Variants in THNSL1 observed in about 807,000 individuals in gnomAD.
The protein encoded by THNSL1 is threonine synthase like 1.
In THNSL1, 48 loss-of-function variants were observed where a neutral mutation model predicts 50.4. The ratio of observed to expected loss-of-function variants is 0.95; its 90% confidence interval spans 0.76 to 1.21. THNSL1 has a LOEUF of 1.21. THNSL1 is among the 50% of genes most tolerant of loss of function. The pLI is 0.00. For missense variants in THNSL1, 896 were observed against 871.7 expected, an observed-to-expected ratio of 1.03 and a Z score of -0.35; for synonymous variants, 309 against 306.1, an observed-to-expected ratio of 1.01 and a Z score of -0.10.
intron 2 of THNSL1, among the ~76,000 whole-genome samples, chr10:25,022,630 G>A (rs1330774504): frequency 6.6e-6 from 1 of 152,112 alleles, no homozygotes; most frequent in Admixed American, 6.5e-5. Context: ...TTTTATTCTG[G>A]TTTCCTGTTA....
At chr10:24,997,375 T>C in the THNSL1 span, among the ~76,000 whole-genome samples, 1 of 148,482 alleles carries the variant, frequency 6.7e-6, no homozygotes, top group African/African-American at 2.5e-5. Flanking sequence ...AACCCTGCAT[T>C]CCTTTTTTTT....
the THNSL1 span, among the ~76,000 whole-genome samples, chr10:25,001,372 C>T: frequency 6.7e-6 from 1 of 148,724 alleles, no homozygotes; most frequent in Non-Finnish European, 1.5e-5. Context: ...TCTTGGTATT[C>T]TTTTTTCTAC....
intron 1 of THNSL1, among the ~76,000 whole-genome samples, chr10:25,021,111 T>TA (rs969849335): frequency 2.0e-5 from 3 of 151,980 alleles, no homozygotes; most frequent in African/African-American, 7.2e-5. Flanking sequence ...AACCAAACCA[T>TA]AAAAAAAATG....
chr10:24,989,687 G>A, the THNSL1 span, among the ~76,000 whole-genome samples: 1 of 152,204 alleles, frequency 6.6e-6, no homozygotes, highest in African/African-American at 2.4e-5. Context: ...ATGTTCAGAA[G>A]TTGTAACAGC....
the THNSL1 span, among the ~76,000 whole-genome samples, chr10:24,989,502 T>C: frequency 1.3e-5 from 2 of 152,218 alleles, no homozygotes; most frequent in Admixed American, 1.3e-4. Context: ...ACTTAAGAGC[T>C]GCACACATAC....
the THNSL1 span, among the ~76,000 whole-genome samples, chr10:24,988,294 ATGTATATATATTTATATG>A: frequency 6.3e-5 from 9 of 142,638 alleles, no homozygotes; most frequent in African/African-American, 1.8e-4. Context: ...ATATTTATAT[ATGTATATATATTTATATG>A]TGTGTATATA....
At chr10:24,984,975 T>C in the THNSL1 span, 2 of 1,191,256 alleles carry the variant, frequency 1.7e-6, no homozygotes, top group African/African-American at 1.5e-5. Context: ...GAAAAGCTAA[T>C]TGGTAATGAA....
the THNSL1 span, among the ~76,000 whole-genome samples, chr10:24,996,456 G>GTATATATATATATA: frequency 2.0e-5 from 3 of 149,712 alleles, no homozygotes; most frequent in African/African-American, 7.4e-5. Context: ...GTGTGTGTGT[G>GTATATATATATATA]TATATATATA....
chr10:25,014,288 G>A (rs181231980), upstream of THNSL1, among the ~76,000 whole-genome samples: 25 of 152,318 alleles, frequency 1.6e-4, no homozygotes, highest in Admixed American at 1.6e-3. Flanking sequence ...TCTTGCCAGT[G>A]TAAATTGACT....
the THNSL1 span, among the ~76,000 whole-genome samples, chr10:24,998,873 G>T: frequency 0.014 from 2,073 of 152,226 alleles, 49 homozygotes; most frequent in African/African-American, 0.047. Flanking sequence ...GCCCTAAGCT[G>T]GTTCTACCAC....
the THNSL1 span, among the ~76,000 whole-genome samples, chr10:24,987,120 C>T: frequency 4.6e-5 from 7 of 152,186 alleles, no homozygotes; most frequent in African/African-American, 1.7e-4. Flanking sequence ...GGGCATTTCT[C>T]CTCCTCTCCT....
At chr10:24,955,222 C>T in the THNSL1 span, among the ~76,000 whole-genome samples, 48 of 152,226 alleles carry the variant, frequency 3.2e-4, no homozygotes, top group African/African-American at 9.9e-4. Flanking sequence ...CTCACTATAA[C>T]GAGAACAATA....
the THNSL1 span, among the ~76,000 whole-genome samples, chr10:24,965,029 C>T: frequency 6.6e-6 from 1 of 151,414 alleles, no homozygotes; most frequent in Admixed American, 6.6e-5. Context: ...TCACTGCACT[C>T]CAGCCTGGAC....
At chr10:24,990,962 T>C in the THNSL1 span, among the ~76,000 whole-genome samples, 1 of 152,152 alleles carries the variant, frequency 6.6e-6, no homozygotes, top group Non-Finnish European at 1.5e-5. Flanking sequence ...TAGCCAGGCA[T>C]CGTGGCATGT....
chr10:25,003,116 T>G, the THNSL1 span, among the ~76,000 whole-genome samples: 1 of 152,158 alleles, frequency 6.6e-6, no homozygotes, highest in East Asian at 1.9e-4. Flanking sequence ...CTCCTCCATC[T>G]CTCCAATAAA....
the THNSL1 span, among the ~76,000 whole-genome samples, chr10:24,986,592 G>A: frequency 6.6e-5 from 10 of 152,104 alleles, no homozygotes; most frequent in Admixed American, 2.0e-4. Flanking sequence ...GTACATTTGC[G>A]GATATCAAAG....
rs1484168551 is a variant in THNSL1, at chr10:25,024,466, T to C, written c.1243T>C (p.Phe415Leu). 1.2e-6 allele frequency: 2 copies of C among 1,614,152 alleles called. No homozygotes were observed. ...TTTTCCTGAGAATGGAGTAAGTGAT[T>C]TTCAAAAAGCACAAATAATTGGCAG... ...AFFPENGVSD[F>L]QKAQIIGSQR... The change falls in exon 3 of 3, where the codon TTT (phenylalanine) becomes CTT (leucine). Residue 415 changes from phenylalanine (F) to leucine (L), a missense_variant. By Grantham distance (22) the Phe-to-Leu change is conservative. Coordinates refer to ENST00000376356, the MANE Select transcript of THNSL1 (RefSeq NM_024838.5).
the THNSL1 span, chr10:24,984,152 C>T: frequency 1.4e-5 from 6 of 433,856 alleles, no homozygotes; most frequent in East Asian, 6.9e-5. Flanking sequence ...ATTTTTCTTC[C>T]TCCAAATAGA....
the THNSL1 span, chr10:24,990,682 T>TG: frequency 7.2e-7 from 1 of 1,391,286 alleles, no homozygotes; most frequent in African/African-American, 1.4e-5. Flanking sequence ...TATCAACTGA[T>TG]GATGGAAGAA....
Sources: allele counts gnomAD v4.1 joint callset (sites outside exome capture counted in the v4.1 genomes callset), GRCh38; gene constraint gnomAD v4.1.1; transcripts MANE v1.5; gene names NCBI Gene and HGNC (gene_info 2026-07-23, HGNC 2026-07-21).